KLRF1: variants seen among roughly 807,000 people sequenced by gnomAD.
KLRF1 encodes killer cell lectin-like receptor subfamily F member 1.
Under a neutral mutation model 30.7 loss-of-function variants are expected in KLRF1, and 27 were observed. That is an observed-to-expected ratio of 0.88 (90% CI 0.65 to 1.21). KLRF1 has a LOEUF of 1.21. Among genes scored for constraint, KLRF1 ranks in the 50% most tolerant of loss-of-function variants. KLRF1 has a pLI of 0.00. For missense variants in KLRF1, 246 were observed against 259.3 expected, an observed-to-expected ratio of 0.95 and a Z score of 0.35; for synonymous variants, 92 against 89.3, an observed-to-expected ratio of 1.03 and a Z score of -0.17.
chr12:9,813,790 A>G, the KLRF1 span, among the ~76,000 whole-genome samples: 1 of 152,270 alleles, frequency 6.6e-6, no homozygotes, highest in African/African-American at 2.4e-5. Context: ...AGTGCAGGGA[A>G]AGTGTGTCCA....
chr12:9,839,912 AAT>A (rs1348952787), intron 3 of KLRF1, among the ~76,000 whole-genome samples: 1 of 152,160 alleles, frequency 6.6e-6, no homozygotes, highest in Non-Finnish European at 1.5e-5. Flanking sequence ...TCATTGTAAC[AAT>A]ATTCATAATA....
chr12:9,808,008 G>A, the KLRF1 span, among the ~76,000 whole-genome samples: 1 of 152,030 alleles, frequency 6.6e-6, no homozygotes, highest in African/African-American at 2.4e-5. Context: ...ATTAGGAACT[G>A]GATTGTATTT....
the KLRF1 span, among the ~76,000 whole-genome samples, chr12:9,806,024 T>G: frequency 2.6e-5 from 4 of 151,992 alleles, no homozygotes; most frequent in African/African-American, 9.7e-5. Context: ...TTTCATTTAT[T>G]TATACTGTAA....
the KLRF1 span, among the ~76,000 whole-genome samples, chr12:9,815,005 AAAGAAAT>A: frequency 6.6e-6 from 1 of 152,234 alleles, no homozygotes; most frequent in Non-Finnish European, 1.5e-5. Context: ...TTCCCAACAC[AAAGAAAT>A]AATAAATGCT....
rs148766947 is a variant in KLRF1, at chr12:9,832,171, A to G, written c.86-145A>G. 479 of 508,330 alleles carry G rather than the reference A, an allele frequency of 9.4e-4. 5 individuals are homozygous for G. In the East Asian group the frequency reaches 0.013, roughly 14 times the overall value. The allele number at this position is 508,330 out of a possible 1,614,324, so 31.5% of individuals were successfully genotyped here. ...GTTAAATAAATGTATATATTTTTCT[A>G]TTTACTTAGCCTTCATGCTTTTGAT... On this transcript the variant is annotated intron_variant, in intron 1 of 5. Transcript: ENST00000617889.
upstream of KLRF1, among the ~76,000 whole-genome samples, chr12:9,824,053 C>A (rs746397893): frequency 6.6e-6 from 1 of 152,200 alleles, no homozygotes; most frequent in African/African-American, 2.4e-5. Flanking sequence ...ATGTACAGAG[C>A]TGGTACCATT....
chr12:9,838,126 C>T (rs1001887379), intron 3 of KLRF1, among the ~76,000 whole-genome samples: 2 of 152,136 alleles, frequency 1.3e-5, no homozygotes, highest in African/African-American at 4.8e-5. Context: ...TTTCCTTCTG[C>T]ACCTCCCTCT....
intron 1 of KLRF1, among the ~76,000 whole-genome samples, 170 bp from the exon 2 acceptor site, chr12:9,832,146 G>A (rs2232544): frequency 0.11 from 16,579 of 152,126 alleles, 1,119 homozygotes; most frequent in African/African-American, 0.19. Context: ...TGTTATCATT[G>A]TTAAATAAAT....
chr12:9,841,796 C>G lies in KLRF1; in HGVS notation c.335-16C>G. The G allele has an allele frequency of 6.3e-7, 1 of 1,577,948 alleles. No homozygotes were observed. Among genetic ancestry groups the G allele is most frequent in the African/African-American group, 1.4e-5 (1 of 73,058 alleles). ...ATGTAATTTAATTTCATTTTGTTTT[C>G]TACATTTCTCTGTAGTACTATGCCA... On this transcript the variant is annotated splice_polypyrimidine_tract_variant and intron_variant, in intron 3 of 5. Transcript: ENST00000617889.
intron 3 of KLRF1, among the ~76,000 whole-genome samples, chr12:9,840,976 T>C (rs984821716): frequency 3.9e-5 from 6 of 152,200 alleles, no homozygotes; most frequent in African/African-American, 1.4e-4. Flanking sequence ...CGTAAATCAT[T>C]CTATTATAAA....
chr12:9,803,494 C>T, the KLRF1 span, among the ~76,000 whole-genome samples: 1 of 151,956 alleles, frequency 6.6e-6, no homozygotes, highest in Admixed American at 6.6e-5. Flanking sequence ...CTAAAAAATT[C>T]TCATACCCAA....
chr12:9,825,849 A>G (rs1867275748), upstream of KLRF1, among the ~76,000 whole-genome samples: 1 of 152,230 alleles, frequency 6.6e-6, no homozygotes, highest in African/African-American at 2.4e-5. Flanking sequence ...CCCATTAAAA[A>G]GTGGACTAAG....
chr12:9,842,330 C>A lies in KLRF1; in HGVS notation c.484C>A (p.Gln162Lys). The A allele has an allele frequency of 6.2e-7, 1 of 1,610,870 alleles. No homozygotes were observed. Among genetic ancestry groups the A allele is most frequent in the East Asian group, 2.2e-5 (1 of 44,756 alleles). Reference sequence around the variant, plus strand: ...CTCGTCCACATTTTAGGCTTTTATACAGAAAAACCTAAGACAATTAAACTA... The same window carrying A: ...CTCGTCCACATTTTAGGCTTTTATAAAGAAAAACCTAAGACAATTAAACTA... ...IHDQLEMAFI[Q>K]KNLRQLNYVW... The change falls in exon 5 of 6, where the codon CAG becomes AAG. Residue 162 changes from glutamine to lysine, a missense_variant. Physicochemically the swap from Gln to Lys is moderately conservative, Grantham distance 53. Coordinates refer to ENST00000617889, the MANE Select transcript of KLRF1 (RefSeq NM_016523.3).
At chr12:9,839,267 G>T (rs549507247) in intron 3 of KLRF1, among the ~76,000 whole-genome samples, 1 of 152,126 alleles carries the variant, frequency 6.6e-6, no homozygotes, top group South Asian at 2.1e-4. Context: ...GTTATCTCAG[G>T]ACTCTTACGA....
At chr12:9,821,524 AC>A in the KLRF1 span, among the ~76,000 whole-genome samples, 1 of 152,012 alleles carries the variant, frequency 6.6e-6, no homozygotes. Context: ...TAGCACAGAT[AC>A]CCCCATCCTG....
chr12:9,841,367 G>A (rs1386940261), intron 3 of KLRF1, among the ~76,000 whole-genome samples: 1 of 151,910 alleles, frequency 6.6e-6, no homozygotes, highest in Non-Finnish European at 1.5e-5. Context: ...TGGGTACTGG[G>A]TGCTACTTGG....
chr12:9,843,080 T>G (rs1377111372), intron 5 of KLRF1, among the ~76,000 whole-genome samples: 2 of 152,164 alleles, frequency 1.3e-5, no homozygotes, highest in African/African-American at 4.8e-5. Flanking sequence ...AATCTCGAGA[T>G]AGGGATATTA....
chr12:9,828,582 A>C (rs1330672395), intron 1 of KLRF1, among the ~76,000 whole-genome samples: 1 of 152,202 alleles, frequency 6.6e-6, no homozygotes, highest in African/African-American at 2.4e-5. Flanking sequence ...AAATAATCAC[A>C]GTTATAGAGA....
At chr12:9,838,015 C>T (rs768977930) in intron 3 of KLRF1, among the ~76,000 whole-genome samples, 13 of 152,154 alleles carry the variant, frequency 8.5e-5, no homozygotes, top group African/African-American at 2.9e-4. Context: ...CAAGTGGGTC[C>T]CAGGTTGGAT....
Sources: gnomAD v4.1 joint callset for allele counts (sites outside exome capture counted in the v4.1 genomes callset) on GRCh38, gnomAD v4.1.1 for gene constraint, MANE v1.5 for transcripts, NCBI Gene and HGNC (gene_info 2026-07-23, HGNC 2026-07-21) for gene names.